Variants in SV2C observed in about 807,000 individuals in gnomAD.
SV2C encodes synaptic vesicle glycoprotein 2C, also known as solute carrier family 22 member B3.
In SV2C, 49 loss-of-function variants were observed where a neutral mutation model predicts 79.7. The ratio of observed to expected loss-of-function variants is 0.61; its 90% confidence interval spans 0.49 to 0.78. The LOEUF is 0.78. SV2C is among the 30% of genes least tolerant of loss of function. The pLI is 0.00. For synonymous variants in SV2C, 334 were observed against 333.2 expected (o/e 1.00, Z -0.03); for missense variants, 833 against 912.9 (o/e 0.91, Z 1.13).
intron 12 of SV2C, among the ~76,000 whole-genome samples, chr5:76,313,868 G>A (rs1201916829): frequency 6.6e-6 from 1 of 152,100 alleles, no homozygotes; most frequent in Non-Finnish European, 1.5e-5. Flanking sequence ...TCATCTCCGT[G>A]GTCATTAACA....
chr5:76,040,911 T>C, the SV2C span, among the ~76,000 whole-genome samples: 1 of 152,228 alleles, frequency 6.6e-6, no homozygotes, highest in African/African-American at 2.4e-5. Context: ...AGTTGCAGTA[T>C]CATAGCCTAC....
intron 4 of SV2C, among the ~76,000 whole-genome samples, chr5:76,227,887 T>C (rs1745299522): frequency 6.6e-6 from 1 of 152,212 alleles, no homozygotes; most frequent in Admixed American, 6.5e-5. Flanking sequence ...GCATTCATCT[T>C]GTCCCATCGC....
intron 1 of SV2C, among the ~76,000 whole-genome samples, chr5:76,113,289 G>T (rs142701957): frequency 6.6e-6 from 1 of 152,308 alleles, no homozygotes; most frequent in East Asian, 1.9e-4. Context: ...TTGTCTGTTT[G>T]TCTGCTGGGT....
At chr5:76,292,573 G>A (rs1210890560) in intron 8 of SV2C, among the ~76,000 whole-genome samples, 1 of 152,078 alleles carries the variant, frequency 6.6e-6, no homozygotes, top group Non-Finnish European at 1.5e-5. Flanking sequence ...CCAGGAGTTG[G>A]AAGCTTAAGA....
At position 76,189,217 on chromosome 5, in the gene SV2C, T is replaced by A. The variant is rs538853533; in HGVS notation, c.581-5702T>A. Among the ~76,000 whole-genome samples, 88 of 149,544 alleles carry A rather than the reference T, an allele frequency of 5.9e-4. 1 individual carries two copies. Among genetic ancestry groups the A allele is most frequent in the African/African-American group, 2.1e-3 (84 of 40,948 alleles). ...TTCTAGCATAAAATGAAAAAAAAAA[T>A]GACTCTTTGAGGAAATAGGAGAGAC... is the stretch of plus-strand genomic sequence containing the variant. On this transcript the variant is annotated intron_variant, in intron 2 of 12. Transcript: ENST00000502798.
At chr5:76,090,160 A>C (rs74377966) in intron 1 of SV2C, among the ~76,000 whole-genome samples, 125 of 152,332 alleles carry the variant, frequency 8.2e-4, no homozygotes, top group Middle Eastern at 3.4e-3. Flanking sequence ...CTGTGGGCTG[A>C]TAACACCTAG....
the SV2C span, among the ~76,000 whole-genome samples, chr5:75,900,536 T>C: frequency 9.8e-4 from 149 of 152,304 alleles, no homozygotes; most frequent in Non-Finnish European, 1.2e-3. Flanking sequence ...CTGACAATTA[T>C]GTGTCTTGGA....
chr5:76,076,768 C>CTAAG, the SV2C span, among the ~76,000 whole-genome samples: 1 of 152,180 alleles, frequency 6.6e-6, no homozygotes, highest in African/African-American at 2.4e-5. Context: ...TCTTGCTTTA[C>CTAAG]TAAGCATCAA....
At chr5:76,125,950 G>A (rs959329805) in intron 1 of SV2C, among the ~76,000 whole-genome samples, 7 of 152,158 alleles carry the variant, frequency 4.6e-5, no homozygotes, top group Admixed American at 3.9e-4. Context: ...CCAGCTACTT[G>A]GGAGGCTGAG....
At chr5:76,058,987 C>G in the SV2C span, among the ~76,000 whole-genome samples, 24 of 152,132 alleles carry the variant, frequency 1.6e-4, no homozygotes, top group African/African-American at 5.8e-4. Context: ...ATAAGAATCA[C>G]GTACATTTTT....
At chr5:76,004,587 A>T in the SV2C span, among the ~76,000 whole-genome samples, 10 of 152,246 alleles carry the variant, frequency 6.6e-5, no homozygotes, top group South Asian at 2.1e-3. Flanking sequence ...TACTAATCAA[A>T]AAAGGATCCT....
chr5:76,202,015 CAA>C (rs373279209), intron 3 of SV2C, among the ~76,000 whole-genome samples: 55 of 82,134 alleles, frequency 6.7e-4, no homozygotes, highest in African/African-American at 1.3e-3. Flanking sequence ...GACTCCATCT[CAA>C]AAAAAAAAAA....
chr5:76,038,014 G>T, the SV2C span, among the ~76,000 whole-genome samples: 1 of 152,008 alleles, frequency 6.6e-6, no homozygotes, highest in South Asian at 2.1e-4. Flanking sequence ...TCCAGGTGCC[G>T]TCTGTCACCA....
chr5:76,097,748 T>G (rs1056103798), intron 1 of SV2C, among the ~76,000 whole-genome samples: 1 of 152,180 alleles, frequency 6.6e-6, no homozygotes, highest in Non-Finnish European at 1.5e-5. Context: ...TGTAGTAAGC[T>G]GACATATTTG....
At chr5:76,294,304 C>CT (rs70979391) in intron 8 of SV2C, among the ~76,000 whole-genome samples, 30,175 of 129,466 alleles carry the variant, frequency 0.23, 3,806 homozygotes, top group African/African-American at 0.29. Flanking sequence ...TTCTCTCTCT[C>CT]TTTTTTTTTT....
intron 12 of SV2C, among the ~76,000 whole-genome samples, chr5:76,317,710 G>T (rs868069046): frequency 6.6e-6 from 1 of 152,130 alleles, no homozygotes; most frequent in East Asian, 1.9e-4. Context: ...CACATTTGTG[G>T]TCCTAGCTAC....
chr5:76,218,686 A>G (rs1744975665), intron 4 of SV2C, among the ~76,000 whole-genome samples: 1 of 152,242 alleles, frequency 6.6e-6, no homozygotes, highest in Non-Finnish European at 1.5e-5. Flanking sequence ...TGATAGGTGC[A>G]GCAAATCACC....
chr5:75,910,925 G>A, the SV2C span: 11 of 923,980 alleles, frequency 1.2e-5, no homozygotes, highest in Non-Finnish European at 1.8e-5. Flanking sequence ...TGTGGTGAAG[G>A]GACTATCAAG....
intron 3 of SV2C, among the ~76,000 whole-genome samples, chr5:76,199,666 T>G (rs1744375782): frequency 6.6e-6 from 1 of 152,182 alleles, no homozygotes; most frequent in South Asian, 2.1e-4. Context: ...TAAAAGACAG[T>G]GGAGTTCAAG....
Sources: gnomAD v4.1 joint callset for allele counts (sites outside exome capture counted in the v4.1 genomes callset) on GRCh38, gnomAD v4.1.1 for gene constraint, MANE v1.5 for transcripts, NCBI Gene and HGNC (gene_info 2026-07-23, HGNC 2026-07-21) for gene names.